Variants in CSMD1 observed in about 807,000 individuals in gnomAD.
CSMD1 encodes CUB and Sushi multiple domains 1, also known as CUB and sushi domain-containing protein 1.
Under a neutral mutation model 417.5 loss-of-function variants are expected in CSMD1, and 213 were observed. The observed-to-expected ratio is 0.51, with a 90% CI of 0.46 to 0.57. The LOEUF (loss-of-function observed/expected upper bound fraction) is 0.57. Ranked by LOEUF, CSMD1 falls within the 20% of genes least tolerant of loss-of-function variation. The probability of loss-of-function intolerance (pLI) is 0.00; values close to 1 mark genes in which losing one functional copy is unlikely to be tolerated. For missense variants in CSMD1, 6,923 were observed against 4,529.7 expected (o/e 1.53, Z -15.17); for synonymous variants, 2,862 against 1,736.8 (o/e 1.65, Z -16.11).
chr8:4,942,844 T>C (rs184714266), intron 1 of CSMD1, among the ~76,000 whole-genome samples: 2 of 152,248 alleles, frequency 1.3e-5, no homozygotes, highest in South Asian at 2.1e-4. Context: ...AATTCACAGA[T>C]AGTGGGACCT....
At chr8:4,465,424 C>T (rs975956817) in intron 2 of CSMD1, among the ~76,000 whole-genome samples, 31 of 152,070 alleles carry the variant, frequency 2.0e-4, no homozygotes, top group African/African-American at 5.3e-4. Context: ...GAGCCTTGTA[C>T]GTTCACCATT....
At chr8:4,032,713 G>A (rs763591872) in intron 3 of CSMD1, among the ~76,000 whole-genome samples, 10 of 152,168 alleles carry the variant, frequency 6.6e-5, no homozygotes, top group African/African-American at 1.2e-4. Flanking sequence ...TCCATTTATA[G>A]TGTCTGATTC....
At chr8:4,195,279 A>G (rs1228024685) in intron 3 of CSMD1, among the ~76,000 whole-genome samples, 1 of 152,196 alleles carries the variant, frequency 6.6e-6, no homozygotes, top group African/African-American at 2.4e-5. Flanking sequence ...TCTTTCACCC[A>G]GGCAGTTCCA....
intron 10 of CSMD1, among the ~76,000 whole-genome samples, chr8:3,494,612 CAGAT>C (rs1233140337): frequency 4.1e-5 from 6 of 147,900 alleles, no homozygotes; most frequent in African/African-American, 1.0e-4. Flanking sequence ...AGATAGATGA[CAGAT>C]AGTAGATAGA....
At chr8:4,123,824 A>T (rs899937006) in intron 3 of CSMD1, among the ~76,000 whole-genome samples, 6 of 152,192 alleles carry the variant, frequency 3.9e-5, no homozygotes, top group Non-Finnish European at 4.4e-5. Context: ...AGTTCAAGTG[A>T]GGACCTATAG....
intron 1 of CSMD1, among the ~76,000 whole-genome samples, chr8:4,674,443 T>C (rs1805546609): frequency 1.3e-5 from 2 of 151,914 alleles, no homozygotes; most frequent in Non-Finnish European, 2.9e-5. Context: ...GATGGGAAGG[T>C]CTCAAACACC....
rs1218138210 is a variant in CSMD1 at position 3,946,446 on chromosome 8, T to A, written c.818+51457A>T. ...TGGCTACTTTAGCTCAATATTGACATCTTCAAATCGTATTATGTAAGTCCT... is the reference window on the plus strand; with the variant it reads ...TGGCTACTTTAGCTCAATATTGACAACTTCAAATCGTATTATGTAAGTCCT... On this transcript the variant is annotated intron_variant, in intron 5 of 69. Transcript: ENST00000635120. 2.0e-5 allele frequency among the ~76,000 whole-genome samples: 3 copies of A among 152,176 alleles called. No homozygotes were observed. The East Asian group carries it at 5.8e-4, about 29-fold the overall frequency.
At chr8:4,818,801 C>A (rs1799355475) in intron 1 of CSMD1, among the ~76,000 whole-genome samples, 1 of 152,168 alleles carries the variant, frequency 6.6e-6, no homozygotes, top group African/African-American at 2.4e-5. Flanking sequence ...AAAGTATTTT[C>A]ATTTCATTAG....
intron 1 of CSMD1, among the ~76,000 whole-genome samples, chr8:4,665,004 T>C (rs1278577046): frequency 6.6e-6 from 1 of 152,208 alleles, no homozygotes; most frequent in Admixed American, 6.5e-5. Flanking sequence ...GTGTTCTTCA[T>C]TTTATTATTA....
chr8:4,736,939 G>C (rs1009262544), intron 1 of CSMD1, among the ~76,000 whole-genome samples: 3 of 152,150 alleles, frequency 2.0e-5, no homozygotes, highest in African/African-American at 7.2e-5. Context: ...CTGGGGCTCA[G>C]TCACAGCAAA....
chr8:4,965,653 A>G (rs1809810688), intron 1 of CSMD1, among the ~76,000 whole-genome samples: 1 of 152,208 alleles, frequency 6.6e-6, no homozygotes, highest in African/African-American at 2.4e-5. Context: ...AAGTGGAATG[A>G]AAGTACATGC....
At chr8:3,761,966 C>T (rs953304187) in intron 5 of CSMD1, among the ~76,000 whole-genome samples, 13 of 152,130 alleles carry the variant, frequency 8.5e-5, no homozygotes, top group Non-Finnish European at 1.8e-4. Context: ...CACCAGTGGC[C>T]ATAAGCATCC....
At chr8:4,067,175 GA>G (rs1342182881) in intron 3 of CSMD1, among the ~76,000 whole-genome samples, 16 of 152,222 alleles carry the variant, frequency 1.1e-4, no homozygotes, top group African/African-American at 3.6e-4. Context: ...GATACTGGGT[GA>G]AAGGCTATCC....
At chr8:4,786,964 ATTG>A (rs1463253067) in intron 1 of CSMD1, among the ~76,000 whole-genome samples, 10 of 152,190 alleles carry the variant, frequency 6.6e-5, no homozygotes, top group Non-Finnish European at 1.2e-4. Flanking sequence ...TTAAGGCAAT[ATTG>A]TTGGTATACT....
intron 3 of CSMD1, among the ~76,000 whole-genome samples, chr8:4,126,219 C>G (rs995209290): frequency 2.0e-5 from 3 of 152,166 alleles, no homozygotes; most frequent in Non-Finnish European, 4.4e-5. Context: ...CTCTGGGAGA[C>G]TGATTTGAGT....
intron 1 of CSMD1, among the ~76,000 whole-genome samples, chr8:4,846,999 G>A (rs1421197642): frequency 6.6e-6 from 1 of 152,032 alleles, no homozygotes; most frequent in South Asian, 2.1e-4. Flanking sequence ...TTTCGTTAAT[G>A]ATTTGTCAGT....
At chr8:4,641,370 T>A (rs935386470) in intron 1 of CSMD1, among the ~76,000 whole-genome samples, 7 of 152,132 alleles carry the variant, frequency 4.6e-5, no homozygotes, top group African/African-American at 1.2e-4. Flanking sequence ...GTTAGTTTTT[T>A]TGCAGATTTC....
chr8:4,246,931 G>T (rs879580781), intron 3 of CSMD1, among the ~76,000 whole-genome samples: 2 of 152,178 alleles, frequency 1.3e-5, no homozygotes, highest in Admixed American at 1.3e-4. Context: ...TTGTAAGAGA[G>T]AATGTAGATA....
intron 21 of CSMD1, among the ~76,000 whole-genome samples, chr8:3,355,686 G>A (rs925844358): frequency 6.6e-6 from 1 of 152,164 alleles, no homozygotes; most frequent in Non-Finnish European, 1.5e-5. Flanking sequence ...ACTGAGAGAT[G>A]CTGAGACCTC....
Sources: gnomAD v4.1 joint callset for allele counts (sites outside exome capture counted in the v4.1 genomes callset) on GRCh38, gnomAD v4.1.1 for gene constraint, MANE v1.5 for transcripts, NCBI Gene and HGNC (gene_info 2026-07-23, HGNC 2026-07-21) for gene names.